Variants in ACTR8 observed in about 807,000 individuals in gnomAD.
ACTR8 encodes the protein actin-related protein 8.
A neutral mutation model predicts 84.3 loss-of-function variants in ACTR8; 70 were observed. That is an observed-to-expected ratio of 0.83 (90% CI 0.68 to 1.01). The LOEUF (loss-of-function observed/expected upper bound fraction) is 1.01, where lower values mean the gene tolerates loss of function less well. ACTR8 is among the 50% of genes least tolerant of loss of function. The probability of loss-of-function intolerance (pLI) is 0.00; values close to 1 mark genes in which losing one functional copy is unlikely to be tolerated. For missense variants in ACTR8, 672 were observed against 775.4 expected, an observed-to-expected ratio of 0.87 and a Z score of 1.58; for synonymous variants, 268 against 275.2, an observed-to-expected ratio of 0.97 and a Z score of 0.26.
chr3:53,876,278 G>A (rs1699966681), intron 6 of ACTR8, among the ~76,000 whole-genome samples, 198 bp from the exon 7 acceptor site: 1 of 152,132 alleles, frequency 6.6e-6, no homozygotes, highest in African/African-American at 2.4e-5. Flanking sequence ...CAGCACTTTG[G>A]GAGGCCAAGG....
intron 7 of ACTR8, among the ~76,000 whole-genome samples, chr3:53,875,083 C>A (rs1474593520): frequency 6.6e-6 from 1 of 152,176 alleles, no homozygotes; most frequent in African/African-American, 2.4e-5. Context: ...AAGGTTTCTA[C>A]AATTTGGGAA....
intron 2 of ACTR8, among the ~76,000 whole-genome samples, chr3:53,879,087 A>G (rs1306504424): frequency 1.3e-5 from 2 of 152,232 alleles, no homozygotes; most frequent in Non-Finnish European, 2.9e-5. Flanking sequence ...TGGTTAAGCC[A>G]TAAACTTACT....
In ACTR8 at chr3:53,879,986, CTTG is replaced by C. The variant is rs1482456942; in HGVS notation, c.244_246del (p.Gln82del). On this transcript the variant is annotated inframe_deletion, in exon 2 of 13. Coordinates refer to ENST00000335754, the MANE Select transcript of ACTR8 (RefSeq NM_022899.5). ...CAACTGTCCTTGTATAGGGGCTGCC[CTTG>C]TTGTTTGTGTCTTCGGGCAATGACG... is the stretch of plus-strand genomic sequence containing the variant. 31 of 1,614,024 alleles carry C rather than the reference CTTG, an allele frequency of 1.9e-5. No individual in the cohort carries two copies. The highest frequency in any genetic ancestry group is 7.7e-5 in the South Asian group (7 of 91,082).
intron 7 of ACTR8, 142 bp downstream of exon 7, chr3:53,875,806 T>G (rs1438675589): frequency 7.9e-7 from 1 of 1,268,952 alleles, no homozygotes. Context: ...AATATGCACT[T>G]CCATAATCTT....
Position 53,871,515 on chromosome 3 carries a change from A to G in ACTR8, c.1303-19T>C. 1 of 1,613,106 alleles carries G rather than the reference A, an allele frequency of 6.2e-7. No homozygotes were observed. Among genetic ancestry groups the G allele is most frequent in the Non-Finnish European group, 8.5e-7 (1 of 1,179,628 alleles). The stretch of plus-strand genomic sequence containing the variant: ...TTGCAGACTTTAAATCAAAAGGACA[A>G]TCAAGTATGTGGTATTACAACAACA... On this transcript the variant is annotated intron_variant, in intron 10 of 12. Coordinates refer to ENST00000335754, the MANE Select transcript of ACTR8 (RefSeq NM_022899.5).
Position 53,876,504 on chromosome 3 carries a change from G to C in ACTR8, c.778+116C>G, listed in dbSNP as rs1035153001. 16 of 689,978 alleles carry C rather than the reference G, an allele frequency of 2.3e-5. No individual in the cohort carries two copies. The Admixed American group carries it at 4.4e-4, about 19-fold the overall frequency. 42.7% of individuals were successfully genotyped at this position (689,978 alleles called of 1,614,324 possible). A position where few individuals can be genotyped will look rare whatever the true frequency, so the allele number is the denominator to read the frequency against. On this transcript the variant is annotated intron_variant, in intron 6 of 12. Transcript: ENST00000335754. Reference sequence around the variant, plus strand: ...ACTGCACTCCAGCCTGGGCGACAGAGAGAGACTCTGTCTCAAATAAATAAA... The same window carrying C: ...ACTGCACTCCAGCCTGGGCGACAGACAGAGACTCTGTCTCAAATAAATAAA...
At chr3:53,863,821 ATTTTTT>A (rs11318618), downstream of ACTR8, among the ~76,000 whole-genome samples, 11 of 138,324 alleles carry the variant, frequency 8.0e-5, no homozygotes, top group East Asian at 1.0e-3. Flanking sequence ...ACCTCAAAGT[ATTTTTT>A]TTTTTTTTTT....
chr3:53,874,261 C>A lies in ACTR8; in HGVS notation c.1015G>T (p.Asp339Tyr), dbSNP rs750349121. The A allele has an allele frequency of 3.7e-6, 6 of 1,613,992 alleles. No individual in the cohort carries two copies. The highest frequency in any genetic ancestry group is 3.3e-4 in the Middle Eastern group (2 of 6,084). The change falls in exon 8 of 13, where the codon GAT becomes TAT. Residue 339 changes from aspartate (D) to tyrosine (Y), a missense_variant. Transcript: ENST00000335754. ...TTAAGGTGTTGCAGAAGAAGACAATCCATTTTATTTGTTAACTGGCATTCT... is the reference window on the plus strand; with the variant it reads ...TTAAGGTGTTGCAGAAGAAGACAATACATTTTATTTGTTAACTGGCATTCT... ...YRECQLTNKM[D>Y]CLLLQHLKET...
intron 6 of ACTR8, 118 bp from the exon 7 acceptor site, chr3:53,876,198 C>A (rs1699965535): frequency 1.6e-6 from 2 of 1,247,802 alleles, no homozygotes; most frequent in African/African-American, 3.1e-5. Flanking sequence ...ATCTGAGGAA[C>A]ACTGATCCTT....
chr3:53,878,654 C>G (rs1700012400), intron 2 of ACTR8, among the ~76,000 whole-genome samples, 187 bp from the exon 3 acceptor site: 1 of 152,180 alleles, frequency 6.6e-6, no homozygotes, highest in African/African-American at 2.4e-5. Flanking sequence ...AAAACACCAT[C>G]TCTACAAAAA....
chr3:53,866,803 G>A (rs1242052919), downstream of ACTR8, among the ~76,000 whole-genome samples: 1 of 151,498 alleles, frequency 6.6e-6, no homozygotes, highest in Non-Finnish European at 1.5e-5. Context: ...TTTCTTTAAT[G>A]CAGAGGTTAT....
At chr3:53,860,053 T>C in the ACTR8 span, 1 of 973,526 alleles carries the variant, frequency 1.0e-6, no homozygotes, top group Non-Finnish European at 1.6e-6. Flanking sequence ...CTATAAAGTA[T>C]ACCAAGTCTT....
downstream of ACTR8, among the ~76,000 whole-genome samples, chr3:53,866,309 T>C (rs1699776272): frequency 6.6e-6 from 1 of 152,072 alleles, no homozygotes; most frequent in African/African-American, 2.4e-5. Context: ...ACTTGAGCCC[T>C]GGAGGTCAAG....
chr3:53,864,984 T>C (rs1559786107), downstream of ACTR8: 1 of 1,614,168 alleles, frequency 6.2e-7, no homozygotes, highest in Non-Finnish European at 8.5e-7. Flanking sequence ...TCGTCTTCCT[T>C]CTTTCCAATG....
chr3:53,860,016 A>G, the ACTR8 span: 3 of 759,038 alleles, frequency 4.0e-6, no homozygotes, highest in African/African-American at 5.3e-5. Context: ...TCTCAAAACT[A>G]AAAAATAATA....
At chr3:53,877,893 A>G (rs1400614210) in intron 3 of ACTR8, 142 bp from the exon 4 acceptor site, 13 of 657,706 alleles carry the variant, frequency 2.0e-5, no homozygotes, top group Non-Finnish European at 3.4e-5. Context: ...GACTGGCTGC[A>G]AAAGGATTCT....
chr3:53,860,993 G>A, the ACTR8 span: 1 of 152,174 alleles, frequency 6.6e-6, no homozygotes, highest in Admixed American at 6.5e-5. Context: ...ACAATTAATT[G>A]CAGTGCGTAC....
At chr3:53,878,505 T>A in intron 2 of ACTR8, 38 bp from the exon 3 acceptor site, 1 of 1,245,340 alleles carries the variant, frequency 8.0e-7, no homozygotes, top group Non-Finnish European at 1.2e-6. Context: ...ACAAAGGATT[T>A]AATGAGAAGA....
rs367743243 is a variant in ACTR8, at chr3:53,877,767, A to G, written c.406-16T>C. The G allele has an allele frequency of 1.9e-6, 3 of 1,606,950 alleles. No individual in the cohort carries two copies. In the African/African-American group the frequency reaches 4.0e-5, roughly 21 times the overall value. On this transcript the variant is annotated splice_polypyrimidine_tract_variant and intron_variant, in intron 3 of 12. Transcript: ENST00000335754. ...AGGAGCGTGCCTGAAAAGAAAAACC[A>G]TCAGAAAATTATCTCAATTTATTCA...
Sources: allele counts gnomAD v4.1 joint callset (sites outside exome capture counted in the v4.1 genomes callset), GRCh38; gene constraint gnomAD v4.1.1; transcripts MANE v1.5; gene names NCBI Gene and HGNC (gene_info 2026-07-23, HGNC 2026-07-21).